GAREM1: variants seen among roughly 807,000 people sequenced by gnomAD.
The protein encoded by GAREM1 is GRB2-associated and regulator of MAPK protein 1.
GAREM1 carries 26 observed loss-of-function variants against 71.3 expected under a neutral mutation model. The observed-to-expected ratio is 0.36, with a 90% CI of 0.27 to 0.51. The LOEUF (loss-of-function observed/expected upper bound fraction) is 0.51. GAREM1 is among the 20% of genes least tolerant of loss of function. GAREM1 has a pLI of 0.95. For synonymous variants in GAREM1, 440 were observed against 433.2 expected, an observed-to-expected ratio of 1.02 and a Z score of -0.20; for missense variants, 1,026 against 1,103.1, an observed-to-expected ratio of 0.93 and a Z score of 0.99.
chr18:32,284,267 T>TA (rs562108920), intron 4 of GAREM1, among the ~76,000 whole-genome samples: 67 of 152,326 alleles, frequency 4.4e-4, no homozygotes, highest in Middle Eastern at 3.4e-3. Flanking sequence ...CAGGTGTTTA[T>TA]AAAAAATCTT....
At position 32,265,002 on chromosome 18, in the gene GAREM1, C is replaced by G. The variant is rs1457324365; in HGVS notation, c.*2869G>C. Reference sequence around the variant, plus strand: ...AGGGTTCTGTGTGTGGATCTCTGGGCATCACTTTTCACTGCAGAATCGCAG... The same window carrying G: ...AGGGTTCTGTGTGTGGATCTCTGGGGATCACTTTTCACTGCAGAATCGCAG... On this transcript the variant is annotated 3_prime_UTR_variant, in exon 6 of 6. Transcript: ENST00000269209. 1 of 145,618 alleles carries G rather than the reference C, an allele frequency of 6.9e-6. No homozygotes were observed. The highest frequency in any genetic ancestry group is 2.6e-5 in the African/African-American group (1 of 39,202). The allele number at this position is 145,618 out of a possible 1,614,324, so 9.0% of individuals were successfully genotyped here.
rs2041377149 is a variant in GAREM1, at chr18:32,266,598, GTAA to G, written c.*1270_*1272del. 6.6e-6 allele frequency: 1 copy of G among 152,154 alleles called. No homozygotes were observed. Among genetic ancestry groups the G allele is most frequent in the Admixed American group, 6.5e-5 (1 of 15,282 alleles). The allele number at this position is 152,154 out of a possible 1,614,324, so 9.4% of individuals were successfully genotyped here. A position where few individuals can be genotyped will look rare whatever the true frequency, so the allele number is the denominator to read the frequency against. On this transcript the variant is annotated 3_prime_UTR_variant, in exon 6 of 6. Coordinates refer to ENST00000269209, the MANE Select transcript of GAREM1 (RefSeq NM_001242409.2). ...ATTCTCAGACTAATGTAAAAGTATG[GTAA>G]TAATGTATTTTCTTTGAAAGAGAGG...
chr18:32,287,571 A>G lies in GAREM1; in HGVS notation c.1026T>C (p.Ala342=). 6.2e-7 allele frequency: 1 copy of G among 1,614,212 alleles called. No homozygotes were observed. The highest frequency in any genetic ancestry group is 8.5e-7 in the Non-Finnish European group (1 of 1,180,032). ...TCCAGTCGGTTTTCACATCACGGAC[A>G]GCCCGTGAATACTCATCGATGTCGA... ...EQFDIDEYSR[A]VRDVKTDWNE... Residue 342 remains alanine (A), a synonymous_variant, in exon 4 of 6, where the codon GCT becomes GCC. Transcript: ENST00000269209. The surrounding 1 kb of genome is among the most constrained non-coding windows in gnomAD (Gnocchi z 5.9).
intron 1 of GAREM1, among the ~76,000 whole-genome samples, chr18:32,458,899 C>T (rs180675441): frequency 2.6e-5 from 4 of 152,094 alleles, no homozygotes; most frequent in Admixed American, 2.0e-4. Context: ...CTAAAAATAA[C>T]GAATTTTGAA....
At chr18:32,316,736 C>T (rs2047381201) in intron 2 of GAREM1, among the ~76,000 whole-genome samples, 1 of 152,192 alleles carries the variant, frequency 6.6e-6, no homozygotes, top group Admixed American at 6.6e-5. Context: ...GTGTGAGCCA[C>T]CGTATGCAGC....
At chr18:32,319,269 G>T (rs2047408126) in intron 2 of GAREM1, among the ~76,000 whole-genome samples, 1 of 152,162 alleles carries the variant, frequency 6.6e-6, no homozygotes, top group African/African-American at 2.4e-5. Context: ...GAAACAAGTA[G>T]CCAGTTGCCA....
intron 2 of GAREM1, among the ~76,000 whole-genome samples, chr18:32,323,991 C>G (rs895608525): frequency 1.4e-5 from 2 of 148,056 alleles, no homozygotes; most frequent in African/African-American, 2.6e-5. Flanking sequence ...ACATAGAAAT[C>G]GACCTATGAA....
Position 32,279,678 on chromosome 18 carries a change from A to G in GAREM1, c.1566+7353T>C, listed in dbSNP as rs189114481. ...TAGAAATAAAGTGTACAATAAATGCAATACACTTGAGTCATCCCGAAACCA... is the reference window on the plus strand; with the variant it reads ...TAGAAATAAAGTGTACAATAAATGCGATACACTTGAGTCATCCCGAAACCA... On this transcript the variant is annotated intron_variant, in intron 4 of 5. Coordinates refer to ENST00000269209, the MANE Select transcript of GAREM1 (RefSeq NM_001242409.2). Among the ~76,000 whole-genome samples, 9 of 152,312 alleles carry G rather than the reference A, an allele frequency of 5.9e-5. No homozygotes were observed. In the East Asian group the frequency reaches 1.7e-3, roughly 29 times the overall value.
At chr18:32,278,010 G>A (rs2144436499) in intron 4 of GAREM1, among the ~76,000 whole-genome samples, 1 of 152,234 alleles carries the variant, frequency 6.6e-6, no homozygotes, top group East Asian at 1.9e-4. Flanking sequence ...AAGACTGGGG[G>A]CTTTTTGGTA....
chr18:32,455,255 A>C (rs971579982), intron 1 of GAREM1, among the ~76,000 whole-genome samples: 1 of 152,180 alleles, frequency 6.6e-6, no homozygotes, highest in Admixed American at 6.5e-5. Context: ...TGTGAGATTA[A>C]GAGGAATCAG....
intron 2 of GAREM1, among the ~76,000 whole-genome samples, chr18:32,367,111 A>G (rs1195072343): frequency 6.6e-6 from 1 of 152,172 alleles, no homozygotes; most frequent in African/African-American, 2.4e-5. Flanking sequence ...AGGACACTGT[A>G]CTCTCTTTTA....
intron 1 of GAREM1, among the ~76,000 whole-genome samples, chr18:32,409,698 A>C (rs1253595902): frequency 6.6e-6 from 1 of 152,224 alleles, no homozygotes; most frequent in Non-Finnish European, 1.5e-5. Flanking sequence ...AAACAGAAGT[A>C]TGCCTACTTA....
In GAREM1 at chr18:32,287,188, C is replaced by A. The variant is rs766295476; in HGVS notation, c.1409G>T (p.Arg470Leu). 1.2e-6 allele frequency: 2 copies of A among 1,614,090 alleles called. No homozygotes were observed. The highest frequency in any genetic ancestry group is 1.3e-5 in the African/African-American group (1 of 74,934). Residue 470 changes from arginine to leucine, a missense_variant, in exon 4 of 6, where the codon CGC becomes CTC. Coordinates refer to ENST00000269209, the MANE Select transcript of GAREM1 (RefSeq NM_001242409.2). This position sits in a 1 kb window ranked among gnomAD's most constrained non-coding sequence, Gnocchi z 5.9. ...EGKPSHQPLT[R>L]SLSEKNRCDQ... ...ACATCTGTTCTTCTCGCTCAGAGAG[C>A]GAGTGAGAGGCTGATGGCTGGGCTT...
At chr18:32,468,955 G>T (rs2049023477) in intron 1 of GAREM1, among the ~76,000 whole-genome samples, 1 of 79,142 alleles carries the variant, frequency 1.3e-5, no homozygotes, top group South Asian at 6.7e-4. Flanking sequence ...CACACCACCT[G>T]TGCGTCCCCC....
intron 3 of GAREM1, among the ~76,000 whole-genome samples, chr18:32,290,055 C>A (rs566308058): frequency 6.6e-6 from 1 of 151,834 alleles, no homozygotes; most frequent in East Asian, 1.9e-4. Flanking sequence ...CCTTTCATCA[C>A]TAATTTGCAG....
intron 1 of GAREM1, among the ~76,000 whole-genome samples, chr18:32,452,031 C>T (rs2048844946): frequency 6.6e-6 from 1 of 152,116 alleles, no homozygotes; most frequent in African/African-American, 2.4e-5. Context: ...TCTATGAAGA[C>T]TTGACTTTCA....
Position 32,378,065 on chromosome 18 carries a change from G to GCGC in GAREM1, c.262+14829_262+14830insGCG, listed in dbSNP as rs1567986715. ...GTGTGTGTGTGTGTGTGTGCGCGCG[G>GCGC]GCGCTTTGGAGGAGGGCAGGGTTGA... On this transcript the variant is annotated intron_variant, in intron 2 of 5. Transcript: ENST00000269209. Among the ~76,000 whole-genome samples the GCGC allele has an allele frequency of 1.9e-4, 24 of 128,818 alleles. No individual in the cohort carries two copies. The East Asian group carries it at 2.0e-3, about 11-fold the overall frequency. 84.5% of individuals were successfully genotyped at this position (128,818 alleles called of 152,430 possible).
intron 3 of GAREM1, 82 bp from the exon 4 acceptor site, chr18:32,288,285 T>A: frequency 9.0e-7 from 1 of 1,106,922 alleles, no homozygotes; most frequent in Non-Finnish European, 1.3e-6. Context: ...CACACACAAA[T>A]ACACACACAG....
chr18:32,329,927 T>C (rs1399129181), intron 2 of GAREM1, among the ~76,000 whole-genome samples: 1 of 152,074 alleles, frequency 6.6e-6, no homozygotes, highest in Non-Finnish European at 1.5e-5. Flanking sequence ...GTCGGGGGAA[T>C]GCATGAGGAC....
Sources: gnomAD v4.1 joint callset for allele counts (sites outside exome capture counted in the v4.1 genomes callset) on GRCh38, gnomAD v4.1.1 for gene constraint, Gnocchi (gnomAD v3.1) non-coding constraint, MANE v1.5 for transcripts, NCBI Gene and HGNC (gene_info 2026-07-23, HGNC 2026-07-21) for gene names.